ACHE: variants seen among roughly 807,000 people sequenced by gnomAD.
The protein encoded by ACHE is acetylcholinesterase.
A neutral mutation model predicts 53.9 loss-of-function variants in ACHE; 19 were observed. That is an observed-to-expected ratio of 0.35 (90% confidence interval 0.25 to 0.52). The LOEUF (loss-of-function observed/expected upper bound fraction) is 0.52, where lower values mean the gene tolerates loss of function less well. ACHE is among the 20% of genes least tolerant of loss of function. ACHE has a pLI of 0.95. For synonymous variants in ACHE, 392 were observed against 378.1 expected (o/e 1.04, Z -0.43); for missense variants, 605 against 849.4 (o/e 0.71, Z 3.58).
chr7:100,890,971 AG>A, intron 4 of ACHE, 197 bp downstream of exon 4: 5 of 1,464,340 alleles, frequency 3.4e-6, no homozygotes, highest in Non-Finnish European at 4.5e-6. Context: ...CAGCCGCCGG[AG>A]GTGGGAGAGG....
rs1356448126 is a variant in ACHE, at chr7:100,892,720, C to T, written c.1167G>A (p.Glu389=). 3 of 1,613,540 alleles carry T rather than the reference C, an allele frequency of 1.9e-6. No homozygotes were observed. Among genetic ancestry groups the T allele is most frequent in the Middle Eastern group, 3.3e-4 (2 of 6,062 alleles). The change falls in exon 3 of 5, where the codon GAG becomes GAA. Residue 389 remains glutamate (E), a synonymous_variant. Transcript: ENST00000241069. The surrounding 1 kb of genome is among the most constrained non-coding windows in gnomAD (Gnocchi z 5.2). Reference sequence around the variant, plus strand: ...CCCCGACCCGCACCCCGGCCAGGAACTCGGCCCGGCTGATGAGAGACTCGT... The same window carrying T: ...CCCCGACCCGCACCCCGGCCAGGAATTCGGCCCGGCTGATGAGAGACTCGT... The part of the protein sequence containing the change: ...KDNESLISRA[E]FLAGVRVGVP...
chr7:100,890,724 G>A, intron 4 of ACHE: 5 of 1,333,226 alleles, frequency 3.8e-6, no homozygotes, highest in East Asian at 2.8e-5. Flanking sequence ...GGTTCCAAAA[G>A]ATAATTTTAT....
chr7:100,893,948 G>C lies in ACHE; in HGVS notation c.285C>G (p.Thr95=), dbSNP rs760848756. Residue 95 remains threonine, a synonymous_variant, in exon 2 of 5, where the codon ACC becomes ACG. Coordinates refer to ENST00000241069, the MANE Select transcript of ACHE (RefSeq NM_000665.5). ...QPWSGVVDAT[T]FQSVCYQYVD... is the part of the protein sequence containing the mutation. ...CATATTGGTAGCAGACACTCTGGAAGGTTGTAGCGTCTACCACCCCTGACC... is the reference window on the plus strand; with the variant it reads ...CATATTGGTAGCAGACACTCTGGAACGTTGTAGCGTCTACCACCCCTGACC... 2 of 1,608,292 alleles carry C rather than the reference G, an allele frequency of 1.2e-6. No homozygotes were observed. The highest frequency in any genetic ancestry group is 1.7e-6 in the Non-Finnish European group (2 of 1,176,942).
chr7:100,892,727 C>G lies in ACHE; in HGVS notation c.1160G>C (p.Arg387Pro), dbSNP rs772297940. The G allele has an allele frequency of 2.5e-6, 4 of 1,613,392 alleles. No individual in the cohort carries two copies. Among genetic ancestry groups the G allele is most frequent in the Non-Finnish European group, 3.4e-6 (4 of 1,179,984 alleles). ...CCGCACCCCGGCCAGGAACTCGGCC[C>G]GGCTGATGAGAGACTCGTTGTCTTT... The part of the protein sequence containing the change: ...FSKDNESLIS[R>P]AEFLAGVRVG... The change falls in exon 3 of 5, where the codon CGG becomes CCG. Residue 387 changes from arginine (R) to proline (P), a missense_variant. Transcript: ENST00000241069. This position sits in a 1 kb window ranked among gnomAD's most constrained non-coding sequence, Gnocchi z 5.2.
chr7:100,891,216 G>T lies in ACHE; in HGVS notation c.1676C>A (p.Ala559Asp), dbSNP rs775682196. Residue 559 changes from alanine to aspartate, a missense_variant, in exon 4 of 5, where the codon GCC becomes GAC. By Grantham distance (126) the Ala-to-Asp change is moderately radical. Around this residue, in one of 4 missense-constraint regions of ACHE, gnomAD observed 91 missense variants for 83.2 expected, o/e 1.09. Transcript: ENST00000241069. Reference sequence around the variant, plus strand: ...GAGGAAGCGGTTCCAGAAGGCGCAGGCCTGGGCGCGCAGCCCCCGCCGCAC... The same window carrying T: ...GAGGAAGCGGTTCCAGAAGGCGCAGTCCTGGGCGCGCAGCCCCCGCCGCAC... ...LEVRRGLRAQACAFWNRFLPK... is the reference protein window; with the variant it reads ...LEVRRGLRAQDCAFWNRFLPK... 6.2e-7 allele frequency: 1 copy of T among 1,608,888 alleles called. No individual in the cohort carries two copies. The highest frequency in any genetic ancestry group is 1.1e-5 in the South Asian group (1 of 90,802).
At position 100,892,053 on chromosome 7, in the gene ACHE, G is replaced by GT. The variant is rs1790731743; in HGVS notation, c.1553+280_1553+281insA. Among the ~76,000 whole-genome samples, 2 of 151,976 alleles carry GT rather than the reference G, an allele frequency of 1.3e-5. No individual in the cohort carries two copies. The highest frequency in any genetic ancestry group is 4.8e-5 in the African/African-American group (2 of 41,368). The stretch of plus-strand genomic sequence containing the variant: ...TCCTCCCACCTTGGCCTCCCAAAGG[G>GT]CTGGAATTACAGGGGTGAGCCACTG... On this transcript the variant is annotated intron_variant, in intron 3 of 4. Coordinates refer to ENST00000241069, the MANE Select transcript of ACHE (RefSeq NM_000665.5). This position sits in a 1 kb window ranked among gnomAD's most constrained non-coding sequence, Gnocchi z 5.2.
rs1790790257 is a variant in ACHE at position 100,892,942 on chromosome 7, G to A, written c.1069-124C>T. On this transcript the variant is annotated intron_variant, in intron 2 of 4. Transcript: ENST00000241069. This position sits in a 1 kb window ranked among gnomAD's most constrained non-coding sequence, Gnocchi z 5.2. Reference sequence around the variant, plus strand: ...TTACAGACCCGGAACCATGGACAGAGAGAGGACGAGATCAGGGGAGGGATG... The same window carrying A: ...TTACAGACCCGGAACCATGGACAGAAAGAGGACGAGATCAGGGGAGGGATG... 4 of 1,316,284 alleles carry A rather than the reference G, an allele frequency of 3.0e-6. No homozygotes were observed. In the South Asian group the frequency reaches 4.5e-5, roughly 15 times the overall value. The allele number at this position is 1,316,284 out of a possible 1,614,324, so 81.5% of individuals were successfully genotyped here. A position where few individuals can be genotyped will look rare whatever the true frequency, so the allele number is the denominator to read the frequency against.
intron 4 of ACHE, chr7:100,890,798 T>A: frequency 7.4e-7 from 1 of 1,356,536 alleles, no homozygotes; most frequent in South Asian, 2.1e-5. Context: ...CTGAGAAGGG[T>A]GGGAGGCACG....
chr7:100,895,195 C>T (rs945143163), intron 1 of ACHE, among the ~76,000 whole-genome samples: 4 of 152,116 alleles, frequency 2.6e-5, no homozygotes, highest in Non-Finnish European at 4.4e-5. Flanking sequence ...CAAAATTCCC[C>T]GGGTGGGAAC....
chr7:100,894,699 C>G (rs1790934498), intron 1 of ACHE, among the ~76,000 whole-genome samples: 2 of 152,144 alleles, frequency 1.3e-5, no homozygotes, highest in South Asian at 4.1e-4. Flanking sequence ...GTCGGCCAGA[C>G]CCGGGGCCCT....
In ACHE at chr7:100,892,994, T is replaced by C. The variant is rs1202189958; in HGVS notation, c.1068+171A>G. On this transcript the variant is annotated intron_variant, in intron 2 of 4. Coordinates refer to ENST00000241069, the MANE Select transcript of ACHE (RefSeq NM_000665.5). This position sits in a 1 kb window ranked among gnomAD's most constrained non-coding sequence, Gnocchi z 5.2. ...AGAGAAAGAGAAAATAGACCCATGG[T>C]GGCTTTCCTGTCTGCCCTGCTGACC... 6.6e-6 allele frequency among the ~76,000 whole-genome samples: 1 copy of C among 152,008 alleles called. No individual in the cohort carries two copies. Among genetic ancestry groups the C allele is most frequent in the East Asian group, 1.9e-4 (1 of 5,188 alleles).
In ACHE at chr7:100,891,087, G is replaced by C; in HGVS notation, c.1723+82C>G. On this transcript the variant is annotated intron_variant, in intron 4 of 4. Coordinates refer to ENST00000241069, the MANE Select transcript of ACHE (RefSeq NM_000665.5). ...CTGGGCAGGTGCTGGGAGCCTCCGA[G>C]GCTAGGGGGAGAAGAGAGGGGTTAC... 2.0e-6 allele frequency: 3 copies of C among 1,533,352 alleles called. No individual in the cohort carries two copies. The South Asian group carries it at 3.6e-5, about 19-fold the overall frequency. The allele number at this position is 1,533,352 out of a possible 1,614,324, so 95.0% of individuals were successfully genotyped here.
chr7:100,892,560 C>A lies in ACHE; in HGVS notation c.1327G>T (p.Ala443Ser). 6.2e-7 allele frequency: 1 copy of A among 1,612,806 alleles called. No individual in the cohort carries two copies. Among genetic ancestry groups the A allele is most frequent in the Non-Finnish European group, 8.5e-7 (1 of 1,179,442 alleles). Residue 443 changes from alanine (A) to serine (S), a missense_variant, in exon 3 of 5, where the codon GCC becomes TCC. Physicochemically the swap from Ala to Ser is moderately conservative, Grantham distance 99. Coordinates refer to ENST00000241069, the MANE Select transcript of ACHE (RefSeq NM_000665.5). The surrounding 1 kb of genome is among the most constrained non-coding windows in gnomAD (Gnocchi z 5.2). ...GCAGCCAGTCGCCCAGCCAGCTGGG[C>A]CACGGGGCACACGACATTGTGGTCG... ...VGDHNVVCPV[A>S]QLAGRLAAQG...
upstream of ACHE, chr7:100,895,947 G>T (rs890283574): frequency 6.1e-5 from 1 of 16,480 alleles, no homozygotes; most frequent in Non-Finnish European, 1.2e-4. Context: ...GCCCCCGCCC[G>T]CCCCCGCCCA....
rs1051796403 is a variant in ACHE at position 100,895,814 on chromosome 7, A to AGCCGG, written c.-38_-34dup. 3 of 151,510 alleles carry AGCCGG rather than the reference A, an allele frequency of 2.0e-5. No individual in the cohort carries two copies. Among genetic ancestry groups the AGCCGG allele is most frequent in the African/African-American group, 4.9e-5 (2 of 41,124 alleles). 9.4% of individuals were successfully genotyped at this position (151,510 alleles called of 1,614,324 possible). On this transcript the variant is annotated 5_prime_UTR_variant, in exon 1 of 5. Transcript: ENST00000241069. ...GAGGGAGACTCACCTGAGGCGGCCG[A>AGCCGG]GCCGGGCCGGGCCGGGCCGCGCCGG...
At chr7:100,894,741 G>C (rs1790938354) in intron 1 of ACHE, among the ~76,000 whole-genome samples, 1 of 152,092 alleles carries the variant, frequency 6.6e-6, no homozygotes, top group Non-Finnish European at 1.5e-5. Context: ...TCAGGGTGTG[G>C]AAGCCTCAGG....
rs767472877 is a variant in ACHE, at chr7:100,894,222, G to C, written c.11C>G (p.Pro4Arg). MRP[P>R]QCLLHTPSLA... ...GGAAGGCGTGTGCAGCAGACACTGC[G>C]GGGGCCTCATGGCTGCAGGGCAGGC... The change falls in exon 2 of 5, where the codon CCG (proline) becomes CGG (arginine). Residue 4 changes from proline to arginine, a missense_variant. Pro to Arg is a moderately radical substitution (Grantham distance 103). Coordinates refer to ENST00000241069, the MANE Select transcript of ACHE (RefSeq NM_000665.5). 6.9e-7 allele frequency: 1 copy of C among 1,450,018 alleles called. No homozygotes were observed. The highest frequency in any genetic ancestry group is 1.4e-5 in the South Asian group (1 of 69,180). The allele number at this position is 1,450,018 out of a possible 1,614,324, so 89.8% of individuals were successfully genotyped here. A position where few individuals can be genotyped will look rare whatever the true frequency, so the allele number is the denominator to read the frequency against.
Position 100,890,042 on chromosome 7 carries a change from G to T in ACHE, c.*172C>A. 1 of 734,868 alleles carries T rather than the reference G, an allele frequency of 1.4e-6. No individual in the cohort carries two copies. Among genetic ancestry groups the T allele is most frequent in the Non-Finnish European group, 2.1e-6 (1 of 469,322 alleles). The allele number at this position is 734,868 out of a possible 1,614,324, so 45.5% of individuals were successfully genotyped here. On this transcript the variant is annotated 3_prime_UTR_variant, in exon 5 of 5. Coordinates refer to ENST00000241069, the MANE Select transcript of ACHE (RefSeq NM_000665.5). ...CCCAGAGGGGCGAAGGCACCGCGGGGGAGGGAGCTCAGCCTGAGACATGCA... is the reference window on the plus strand; with the variant it reads ...CCCAGAGGGGCGAAGGCACCGCGGGTGAGGGAGCTCAGCCTGAGACATGCA...
intron 3 of ACHE, among the ~76,000 whole-genome samples, chr7:100,891,912 C>T (rs1192772390): frequency 6.6e-6 from 1 of 150,874 alleles, no homozygotes; most frequent in Non-Finnish European, 1.5e-5. Context: ...TCCCAAGTAG[C>T]TGGGACTAGA....
Sources: gnomAD v4.1 joint callset for allele counts (sites outside exome capture counted in the v4.1 genomes callset) on GRCh38, gnomAD v4.1.1 for gene constraint, gnomAD v4.1.1 regional missense constraint, Gnocchi (gnomAD v3.1) non-coding constraint, MANE v1.5 for transcripts, NCBI Gene and HGNC (gene_info 2026-07-23, HGNC 2026-07-21) for gene names.